NPHS2: variants seen among roughly 807,000 people sequenced by gnomAD.
NPHS2 encodes the protein podocin.
In NPHS2, 36 loss-of-function variants were observed where a neutral mutation model predicts 37.1. The ratio of observed to expected loss-of-function variants is 0.97; its 90% confidence interval spans 0.74 to 1.28. The LOEUF (loss-of-function observed/expected upper bound fraction) is 1.28. Among genes scored for constraint, NPHS2 ranks in the 50% most tolerant of loss-of-function variants. The pLI, the probability that NPHS2 is intolerant of heterozygous loss-of-function variation, is 0.00. For synonymous variants in NPHS2, 196 were observed against 189.3 expected, an observed-to-expected ratio of 1.04 and a Z score of -0.29; for missense variants, 447 against 488.1, an observed-to-expected ratio of 0.92 and a Z score of 0.79.
intron 1 of NPHS2, 95 bp from the exon 2 acceptor site, chr1:179,564,888 CA>C: frequency 1.0e-6 from 1 of 991,786 alleles, no homozygotes; most frequent in Non-Finnish European, 1.6e-6. Context: ...TTGGAGTTGG[CA>C]CAACTTGGAG....
At chr1:179,555,351 T>C (rs570889264) in intron 5 of NPHS2, among the ~76,000 whole-genome samples, 77 of 152,282 alleles carry the variant, frequency 5.1e-4, no homozygotes, top group African/African-American at 1.9e-3. Context: ...CTGATGCTGG[T>C]GGTTCCAGTT....
intron 5 of NPHS2, chr1:179,554,791 G>A: frequency 1.9e-6 from 1 of 540,036 alleles, no homozygotes; most frequent in South Asian, 2.5e-5. Context: ...CCTAATCCCT[G>A]GAATCTGTGA....
intron 1 of NPHS2, among the ~76,000 whole-genome samples, chr1:179,566,137 T>C (rs569768533): frequency 0.012 from 1,897 of 151,958 alleles, 18 homozygotes; most frequent in African/African-American, 0.044. Flanking sequence ...CTTGAGGAAT[T>C]GCCACACTGT....
In NPHS2 at chr1:179,575,672, C is replaced by T. The variant is rs1674732797; in HGVS notation, c.193G>A (p.Val65Met). ...GEPRAPAATV[V>M]DVDEVRGSGE... Reference sequence around the variant, plus strand: ...GAGCCTCGGACCTCATCCACGTCCACCACCGTGGCGGCGGGCGCTCGGGGC... The same window carrying T: ...GAGCCTCGGACCTCATCCACGTCCATCACCGTGGCGGCGGGCGCTCGGGGC... The change falls in exon 1 of 8, where the codon GTG (valine) becomes ATG (methionine). Residue 65 changes from valine to methionine, a missense_variant. Physicochemically the swap from Val to Met is conservative, Grantham distance 21 (BLOSUM62 1). Coordinates refer to ENST00000367615, the MANE Select transcript of NPHS2 (RefSeq NM_014625.4). The T allele has an allele frequency of 1.2e-6, 2 of 1,602,284 alleles. No individual in the cohort carries two copies. Among genetic ancestry groups the T allele is most frequent in the South Asian group, 2.2e-5 (2 of 90,776 alleles).
chr1:179,551,361 G>A lies in NPHS2; in HGVS notation c.964C>T (p.Arg322Ter), dbSNP rs763818901. 20 of 1,613,992 alleles carry A rather than the reference G, an allele frequency of 1.2e-5. No individual in the cohort carries two copies. The highest frequency in any genetic ancestry group is 2.7e-5 in the African/African-American group (2 of 74,920). The stretch of plus-strand genomic sequence containing the variant: ...AGAGACTGAAGGGTGTGGAGGTATC[G>A]AAGCTGAACGGCAGCAGGGGTGCCT... ...LSGTPAAVQLRYLHTLQSLST... is the reference protein window; with the variant it reads ...LSGTPAAVQL The change falls in exon 8 of 8, where the codon CGA (arginine) becomes TGA (stop). Residue 322 changes from arginine to a stop codon, truncating the protein, a stop_gained. Transcript: ENST00000367615. LOFTEE classifies it high-confidence loss of function.
chr1:179,555,608 G>A (rs1673885586), intron 5 of NPHS2, among the ~76,000 whole-genome samples: 1 of 152,210 alleles, frequency 6.6e-6, no homozygotes, highest in African/African-American at 2.4e-5. Context: ...TGTTGATAAA[G>A]ACGTCGCAGA....
rs2125762220 is a variant in NPHS2, at chr1:179,550,985, G to T, written c.*188C>A. On this transcript the variant is annotated 3_prime_UTR_variant, in exon 8 of 8. Transcript: ENST00000367615. ...ACTAGATGAGTCACGGAAACATGTT[G>T]TCTGCCTTCTCTGTCATTACATCAT... is the stretch of plus-strand genomic sequence containing the variant. 1 of 683,700 alleles carries T rather than the reference G, an allele frequency of 1.5e-6. No individual in the cohort carries two copies. The highest frequency in any genetic ancestry group is 2.7e-5 in the East Asian group (1 of 36,494). The allele number at this position is 683,700 out of a possible 1,614,324, so 42.4% of individuals were successfully genotyped here.
chr1:179,574,969 C>T (rs1674699001), intron 1 of NPHS2, among the ~76,000 whole-genome samples: 1 of 152,148 alleles, frequency 6.6e-6, no homozygotes, highest in African/African-American at 2.4e-5. Context: ...GCTTTGGATG[C>T]CTTTTCTCAT....
At chr1:179,562,609 T>G (rs150285344) in intron 2 of NPHS2, among the ~76,000 whole-genome samples, 29 of 152,306 alleles carry the variant, frequency 1.9e-4, no homozygotes, top group African/African-American at 5.5e-4. Context: ...GAAATGTGCT[T>G]CTTAAAGTAA....
At chr1:179,571,501 TC>T (rs563023565) in intron 1 of NPHS2, among the ~76,000 whole-genome samples, 196 of 152,316 alleles carry the variant, frequency 1.3e-3, no homozygotes, top group Middle Eastern at 6.8e-3. Context: ...GGGAGGTGTC[TC>T]CCAGTTACAC....
At position 179,575,571 on chromosome 1, in the gene NPHS2, T is replaced by C; in HGVS notation, c.274+20A>G. 1.3e-6 allele frequency: 2 copies of C among 1,599,988 alleles called. No individual in the cohort carries two copies. The highest frequency in any genetic ancestry group is 4.5e-5 in the East Asian group (2 of 44,824). ...AGTTACCACCTGGAAAAGTAGCAGA[T>C]AGTGGTGCTGAATCCGTACCTTCCT... On this transcript the variant is annotated intron_variant, in intron 1 of 7. Coordinates refer to ENST00000367615, the MANE Select transcript of NPHS2 (RefSeq NM_014625.4).
chr1:179,561,423 G>T, intron 2 of NPHS2, 62 bp from the exon 3 acceptor site: 1 of 1,283,086 alleles, frequency 7.8e-7, no homozygotes, highest in Non-Finnish European at 1.1e-6. Context: ...AAAAGGCCTT[G>T]GCATAAGAAT....
At chr1:179,557,724 T>C (rs1387044160) in intron 4 of NPHS2, among the ~76,000 whole-genome samples, 1 of 152,206 alleles carries the variant, frequency 6.6e-6, no homozygotes, top group Non-Finnish European at 1.5e-5. Context: ...ACAGTATTGC[T>C]AATTGGAATA....
At chr1:179,560,676 G>A (rs1184651132) in intron 3 of NPHS2, among the ~76,000 whole-genome samples, 2 of 151,980 alleles carry the variant, frequency 1.3e-5, no homozygotes, top group African/African-American at 2.4e-5. Flanking sequence ...CTTCCTGGCT[G>A]ACTTAGATCT....
At chr1:179,552,180 C>A (rs1673385139) in intron 7 of NPHS2, 2 of 225,174 alleles carry the variant, frequency 8.9e-6, no homozygotes, top group African/African-American at 4.5e-5. Flanking sequence ...TTGGCTCTAG[C>A]ATTGAGGGAA....
At chr1:179,574,130 C>T (rs1385561676) in intron 1 of NPHS2, among the ~76,000 whole-genome samples, 1 of 152,138 alleles carries the variant, frequency 6.6e-6, no homozygotes, top group African/African-American at 2.4e-5. Context: ...GGACTGCTCG[C>T]CCATTGCTTG....
chr1:179,556,192 C>A lies in NPHS2; in HGVS notation c.738+835G>T, dbSNP rs1278137209. ...GGGGACATCCCATAAAGCATAATTG[C>A]CACCAGTGCCTTTGATTCTTGGGGT... On this transcript the variant is annotated intron_variant, in intron 5 of 7. Coordinates refer to ENST00000367615, the MANE Select transcript of NPHS2 (RefSeq NM_014625.4). The surrounding 1 kb of genome is among the most constrained non-coding windows in gnomAD (Gnocchi z 4.1). Among the ~76,000 whole-genome samples, 1 of 152,174 alleles carries A rather than the reference C, an allele frequency of 6.6e-6. No individual in the cohort carries two copies. The highest frequency in any genetic ancestry group is 2.4e-5 in the African/African-American group (1 of 41,454).
At chr1:179,568,771 A>G (rs943405227) in intron 1 of NPHS2, among the ~76,000 whole-genome samples, 4 of 152,212 alleles carry the variant, frequency 2.6e-5, no homozygotes, top group Non-Finnish European at 4.4e-5. Flanking sequence ...CATTGGTTTC[A>G]AAGAACATCT....
intron 6 of NPHS2, among the ~76,000 whole-genome samples, chr1:179,553,567 A>G (rs2125775707): frequency 6.6e-6 from 1 of 152,352 alleles, no homozygotes; most frequent in Non-Finnish European, 1.5e-5. Flanking sequence ...ATCCATTGAG[A>G]CAGAAACTAA....
Sources: allele counts gnomAD v4.1 joint callset (sites outside exome capture counted in the v4.1 genomes callset), GRCh38; gene constraint gnomAD v4.1.1; non-coding constraint Gnocchi (gnomAD v3.1); transcripts MANE v1.5; gene names NCBI Gene and HGNC (gene_info 2026-07-23, HGNC 2026-07-21).